Variants in ITPR2 observed in about 807,000 individuals in gnomAD.
The protein encoded by ITPR2 is inositol 1,4,5-trisphosphate-gated calcium channel ITPR2.
Under a neutral mutation model 317.1 loss-of-function variants are expected in ITPR2, and 207 were observed. The observed-to-expected ratio is 0.65, with a 90% CI of 0.58 to 0.73. ITPR2 has a LOEUF of 0.73. Among genes scored for constraint, ITPR2 ranks in the 30% least tolerant of loss-of-function variants. The pLI is 0.00. For missense variants in ITPR2, 2,613 were observed against 3,284.0 expected, an observed-to-expected ratio of 0.80 and a Z score of 4.99; for synonymous variants, 1,156 against 1,149.1, an observed-to-expected ratio of 1.01 and a Z score of -0.12.
intron 45 of ITPR2, among the ~76,000 whole-genome samples, chr12:26,458,692 T>G (rs965343890): frequency 1.5e-4 from 22 of 149,176 alleles, no homozygotes; most frequent in Admixed American, 2.0e-4. Context: ...AAATAAAAAT[T>G]GTTTTCTGTT....
intron 10 of ITPR2, among the ~76,000 whole-genome samples, chr12:26,690,572 G>A (rs905587191): frequency 6.6e-6 from 1 of 152,156 alleles, no homozygotes; most frequent in African/African-American, 2.4e-5. Context: ...AGTTTATTTA[G>A]AAGGAGTTAA....
At chr12:26,630,101 G>A (rs1946714869) in intron 22 of ITPR2, among the ~76,000 whole-genome samples, 1 of 152,196 alleles carries the variant, frequency 6.6e-6, no homozygotes, top group Admixed American at 6.5e-5. Flanking sequence ...GTAACCATGA[G>A]CAGAAGGCAG....
At chr12:26,652,100 G>A (rs1190814218) in intron 21 of ITPR2, among the ~76,000 whole-genome samples, 1 of 152,132 alleles carries the variant, frequency 6.6e-6, no homozygotes, top group Non-Finnish European at 1.5e-5. Flanking sequence ...TTCTAAGGGT[G>A]ATTTTCATAC....
At chr12:26,485,964 C>T in intron 41 of ITPR2, 140 bp downstream of exon 41, 1 of 899,346 alleles carries the variant, frequency 1.1e-6, no homozygotes. Context: ...AAAGTTTCTT[C>T]CCATTTCAGA....
At chr12:26,495,283 G>C (rs909343278) in intron 37 of ITPR2, 23 bp from the exon 38 acceptor site, 8 of 1,270,864 alleles carry the variant, frequency 6.3e-6, no homozygotes, top group African/African-American at 3.0e-5. Flanking sequence ...ATAACAAAGA[G>C]TTACTGTTCC....
intron 23 of ITPR2, among the ~76,000 whole-genome samples, chr12:26,627,105 G>T (rs1300470885): frequency 6.6e-6 from 1 of 152,040 alleles, no homozygotes; most frequent in African/African-American, 2.4e-5. Flanking sequence ...TATGAAAATT[G>T]AAATATAGTT....
chr12:26,354,671 T>C lies in ITPR2; in HGVS notation c.7858-14343A>G, dbSNP rs185003370. Among the ~76,000 whole-genome samples, 232 of 152,108 alleles carry C rather than the reference T, an allele frequency of 1.5e-3. 1 individual carries two copies. Among genetic ancestry groups the C allele is most frequent in the East Asian group, 2.1e-3 (11 of 5,174 alleles). On this transcript the variant is annotated intron_variant, in intron 55 of 56. Transcript: ENST00000381340. ...GAAGAGAGTTGGTGGTTCTCTTTTT[T>C]GTTTGTTTGTTTTTGAGATGGAGTT... is the stretch of plus-strand genomic sequence containing the variant.
intron 1 of ITPR2, among the ~76,000 whole-genome samples, chr12:26,817,873 G>A (rs570738610): frequency 6.6e-6 from 1 of 152,220 alleles, no homozygotes; most frequent in African/African-American, 2.4e-5. Context: ...AGGGAGGGTG[G>A]GGGAGGCAGT....
chr12:26,413,573 T>G (rs2136675121), intron 51 of ITPR2, among the ~76,000 whole-genome samples: 1 of 152,340 alleles, frequency 6.6e-6, no homozygotes, highest in African/African-American at 2.4e-5. Flanking sequence ...AAGGGTGTTT[T>G]TCCTAGGGCA....
At chr12:26,815,010 TAACA>T (rs1950825952) in intron 1 of ITPR2, among the ~76,000 whole-genome samples, 1 of 152,234 alleles carries the variant, frequency 6.6e-6, no homozygotes, top group African/African-American at 2.4e-5. Flanking sequence ...CCAATTCCTC[TAACA>T]GTCACAGAAG....
chr12:26,693,613 C>T (rs1948281120), intron 10 of ITPR2, among the ~76,000 whole-genome samples: 1 of 152,114 alleles, frequency 6.6e-6, no homozygotes, highest in Non-Finnish European at 1.5e-5. Flanking sequence ...ACTTGTTATA[C>T]TGTATTGTTT....
At chr12:26,446,345 C>T (rs1033260446) in intron 45 of ITPR2, among the ~76,000 whole-genome samples, 3 of 151,934 alleles carry the variant, frequency 2.0e-5, no homozygotes, top group Non-Finnish European at 2.9e-5. Flanking sequence ...TAATGAGATA[C>T]GTAGTTTTGT....
At chr12:26,401,294 C>G (rs1940170647) in intron 52 of ITPR2, among the ~76,000 whole-genome samples, 1 of 151,882 alleles carries the variant, frequency 6.6e-6, no homozygotes, top group East Asian at 1.9e-4. Context: ...GGCATACACA[C>G]AATAGTTGCT....
At chr12:26,559,799 A>G (rs1944764481) in intron 35 of ITPR2, among the ~76,000 whole-genome samples, 1 of 152,108 alleles carries the variant, frequency 6.6e-6, no homozygotes, top group African/African-American at 2.4e-5. Flanking sequence ...CTTCCCATAA[A>G]ACTATCTGAA....
intron 14 of ITPR2, 70 bp downstream of exon 14, chr12:26,665,840 A>C: frequency 7.5e-7 from 1 of 1,337,258 alleles, no homozygotes; most frequent in Non-Finnish European, 1.0e-6. Context: ...TAGATAACTA[A>C]TACAAGGCCT....
At chr12:26,654,258 A>G (rs922104692) in intron 20 of ITPR2, 132 bp from the exon 21 acceptor site, 5 of 665,322 alleles carry the variant, frequency 7.5e-6, no homozygotes, top group Non-Finnish European at 1.2e-5. Context: ...ATTCTTTAAC[A>G]CCTAGGAATT....
At chr12:26,763,575 G>T (rs1949672872) in intron 2 of ITPR2, among the ~76,000 whole-genome samples, 1 of 152,118 alleles carries the variant, frequency 6.6e-6, no homozygotes, top group African/African-American at 2.4e-5. Flanking sequence ...TTACTTGCAA[G>T]TGCTCTTTCT....
At chr12:26,486,997 T>G in intron 40 of ITPR2, 71 bp downstream of exon 40, 1 of 1,350,634 alleles carries the variant, frequency 7.4e-7, no homozygotes, top group Non-Finnish European at 1.1e-6. Context: ...CGAAAAATGT[T>G]AATGAGATTT....
chr12:26,582,827 C>A (rs1427282954), intron 32 of ITPR2, among the ~76,000 whole-genome samples: 1 of 152,172 alleles, frequency 6.6e-6, no homozygotes, highest in Non-Finnish European at 1.5e-5. Flanking sequence ...CTTATTACCA[C>A]CAAATAGCTT....
Sources: gnomAD v4.1 joint callset for allele counts (sites outside exome capture counted in the v4.1 genomes callset) on GRCh38, gnomAD v4.1.1 for gene constraint, MANE v1.5 for transcripts, NCBI Gene and HGNC (gene_info 2026-07-23, HGNC 2026-07-21) for gene names.